The following CSMD3 variants were observed in gnomAD, a reference collection of about 807,000 sequenced individuals.
The protein encoded by CSMD3 is CUB and Sushi multiple domains 3.
In CSMD3, 177 loss-of-function variants were observed where a neutral mutation model predicts 435.2. The ratio of observed to expected loss-of-function variants is 0.41; its 90% CI spans 0.36 to 0.46. The LOEUF (loss-of-function observed/expected upper bound fraction) is 0.46, where lower values mean the gene tolerates loss of function less well. CSMD3 is among the 20% of genes least tolerant of loss of function. The probability of loss-of-function intolerance (pLI) is 0.34; values close to 1 mark genes in which losing one functional copy is unlikely to be tolerated. For missense variants in CSMD3, 4,265 were observed against 4,504.6 expected, an observed-to-expected ratio of 0.95 and a Z score of 1.52; for synonymous variants, 1,656 against 1,520.5, an observed-to-expected ratio of 1.09 and a Z score of -2.07.
rs143893080 is a variant in CSMD3, at chr8:113,084,793, C to A, written c.917+13963G>T. Reference sequence around the variant, plus strand: ...TAGATCAATAAAACATAATAGAGAACCTGAAAATAGATACACATATTTACA... The same window carrying A: ...TAGATCAATAAAACATAATAGAGAAACTGAAAATAGATACACATATTTACA... On this transcript the variant is annotated intron_variant, in intron 5 of 70. Transcript: ENST00000297405. Among the ~76,000 whole-genome samples the A allele has an allele frequency of 9.6e-3, 1,451 of 151,912 alleles. 8 individuals carry two copies. Among genetic ancestry groups the A allele is most frequent in the Non-Finnish European group, 0.015 (1,003 of 67,902 alleles).
At chr8:112,888,296 G>A (rs949808947) in intron 10 of CSMD3, among the ~76,000 whole-genome samples, 2 of 151,554 alleles carry the variant, frequency 1.3e-5, no homozygotes, top group African/African-American at 4.8e-5. Context: ...ACGGATAATC[G>A]AATCATTGGA....
intron 1 of CSMD3, among the ~76,000 whole-genome samples, chr8:113,418,953 G>C (rs2094596082): frequency 6.6e-6 from 1 of 152,146 alleles, no homozygotes; most frequent in Admixed American, 6.5e-5. Context: ...GACTTACAGA[G>C]AATCACAGTA....
chr8:112,581,095 C>T (rs908875617), intron 23 of CSMD3, among the ~76,000 whole-genome samples: 9 of 152,014 alleles, frequency 5.9e-5, no homozygotes, highest in Non-Finnish European at 1.0e-4. Flanking sequence ...GTGCTGAGTG[C>T]TTTATAAACA....
At chr8:112,899,513 T>TCTATATATATATATATAGAAATATA (rs1258418269) in intron 10 of CSMD3, among the ~76,000 whole-genome samples, 5 of 143,642 alleles carry the variant, frequency 3.5e-5, no homozygotes, top group South Asian at 2.1e-4. Flanking sequence ...CTATATATTT[T>TCTATATATATATATATAGAAATATA]CTATATATAT....
chr8:112,772,369 T>G (rs2078140147), intron 13 of CSMD3, among the ~76,000 whole-genome samples: 2 of 152,112 alleles, frequency 1.3e-5, no homozygotes, highest in African/African-American at 4.8e-5. Context: ...TTAAGGGCTG[T>G]GCAGGGTGTG....
At chr8:113,374,277 G>A (rs187568255) in intron 1 of CSMD3, among the ~76,000 whole-genome samples, 1 of 151,952 alleles carries the variant, frequency 6.6e-6, no homozygotes, top group East Asian at 1.9e-4. Context: ...AATATACATG[G>A]CAATGTTAAG....
chr8:112,613,050 G>A (rs1833390362), intron 22 of CSMD3, among the ~76,000 whole-genome samples: 1 of 151,994 alleles, frequency 6.6e-6, no homozygotes, highest in Non-Finnish European at 1.5e-5. Context: ...TGGGATTATA[G>A]GCAGCAACTA....
At chr8:113,163,179 G>A (rs946623784) in intron 4 of CSMD3, among the ~76,000 whole-genome samples, 3 of 152,020 alleles carry the variant, frequency 2.0e-5, no homozygotes, top group East Asian at 1.9e-4. Context: ...TTCAGCCATC[G>A]GATGCTGTGT....
At position 112,231,645 on chromosome 8, in the gene CSMD3, A is replaced by C. The variant is rs777273246; in HGVS notation, c.10741-13T>G. 6.7e-7 allele frequency: 1 copy of C among 1,491,838 alleles called. No homozygotes were observed. The highest frequency in any genetic ancestry group is 9.4e-7 in the Non-Finnish European group (1 of 1,068,954). The allele number at this position is 1,491,838 out of a possible 1,614,324, so 92.4% of individuals were successfully genotyped here. ...GCTCAGCAGAAACCTAAAAATATTT[A>C]AACAGCCAAATATACTTGAATACTG... On this transcript the variant is annotated splice_polypyrimidine_tract_variant and intron_variant, in intron 68 of 70. Coordinates refer to ENST00000297405, the MANE Select transcript of CSMD3 (RefSeq NM_198123.2).
chr8:113,068,407 G>A (rs1179189310), intron 5 of CSMD3, among the ~76,000 whole-genome samples: 2 of 152,062 alleles, frequency 1.3e-5, no homozygotes, highest in Admixed American at 1.3e-4. Context: ...TGCTGTGATT[G>A]GTCAGATCCA....
At chr8:113,180,817 G>A (rs368966109) in intron 3 of CSMD3, among the ~76,000 whole-genome samples, 4 of 152,016 alleles carry the variant, frequency 2.6e-5, no homozygotes, top group African/African-American at 9.6e-5. Context: ...ATTCAATTCT[G>A]TTTCTATGTG....
chr8:112,739,045 T>C (rs2077246148), intron 13 of CSMD3, among the ~76,000 whole-genome samples: 1 of 151,586 alleles, frequency 6.6e-6, no homozygotes, highest in South Asian at 2.1e-4. Flanking sequence ...GTTCAGGAAA[T>C]AAAGGTTATA....
intron 7 of CSMD3, among the ~76,000 whole-genome samples, chr8:112,955,915 A>C (rs2130839081): frequency 6.6e-6 from 1 of 152,056 alleles, no homozygotes; most frequent in Non-Finnish European, 1.5e-5. Context: ...CTAAGCAATT[A>C]GTTCAAATTA....
chr8:112,946,311 C>G (rs538873957), intron 9 of CSMD3, among the ~76,000 whole-genome samples: 4 of 151,670 alleles, frequency 2.6e-5, no homozygotes, highest in Non-Finnish European at 4.4e-5. Context: ...CATTATTATT[C>G]TCAATTTTAG....
At chr8:113,079,490 A>G (rs150427529) in intron 5 of CSMD3, among the ~76,000 whole-genome samples, 2 of 152,188 alleles carry the variant, frequency 1.3e-5, no homozygotes, top group African/African-American at 4.8e-5. Context: ...AATATTATAT[A>G]TAGCTGCTAT....
intron 9 of CSMD3, among the ~76,000 whole-genome samples, chr8:112,925,019 C>G (rs1343814462): frequency 1.3e-5 from 2 of 152,044 alleles, no homozygotes; most frequent in Non-Finnish European, 2.9e-5. Flanking sequence ...CCATTTGTCC[C>G]AACTTTAAAA....
chr8:112,858,458 G>T (rs541850486), intron 11 of CSMD3, among the ~76,000 whole-genome samples: 1 of 151,792 alleles, frequency 6.6e-6, no homozygotes, highest in Admixed American at 6.6e-5. Context: ...TGAGAGAAAT[G>T]ATGATTTTTC....
At chr8:112,456,406 C>G (rs956964689) in intron 32 of CSMD3, among the ~76,000 whole-genome samples, 1 of 151,790 alleles carries the variant, frequency 6.6e-6, no homozygotes, top group Non-Finnish European at 1.5e-5. Context: ...TAATTAACTG[C>G]AATAAGCACT....
intron 17 of CSMD3, among the ~76,000 whole-genome samples, chr8:112,664,857 C>A (rs184100024): frequency 3.9e-5 from 6 of 152,242 alleles, no homozygotes; most frequent in Non-Finnish European, 7.4e-5. Context: ...AACTTCTAGC[C>A]TCCAGAAATG....
Sources: gnomAD v4.1 joint callset for allele counts (sites outside exome capture counted in the v4.1 genomes callset) on GRCh38, gnomAD v4.1.1 for gene constraint, MANE v1.5 for transcripts, NCBI Gene and HGNC (gene_info 2026-07-23, HGNC 2026-07-21) for gene names.